Variants in WDHD1 observed in about 807,000 individuals in gnomAD.
The protein encoded by WDHD1 is WD repeat and HMG-box DNA-binding protein 1.
Under a neutral mutation model 135.4 loss-of-function variants are expected in WDHD1, and 111 were observed. That is an observed-to-expected ratio of 0.82 (90% CI 0.70 to 0.96). The LOEUF (loss-of-function observed/expected upper bound fraction) is 0.96. Among genes scored for constraint, WDHD1 ranks in the 40% least tolerant of loss-of-function variants. The pLI, the probability that WDHD1 is intolerant of heterozygous loss-of-function variation, is 0.00. For missense variants in WDHD1, 1,351 were observed against 1,336.3 expected, an observed-to-expected ratio of 1.01 and a Z score of -0.17; for synonymous variants, 434 against 439.0, an observed-to-expected ratio of 0.99 and a Z score of 0.14.
chr14:54,944,171 A>G (rs1333050949), intron 25 of WDHD1, among the ~76,000 whole-genome samples, 161 bp downstream of exon 25: 1 of 151,880 alleles, frequency 6.6e-6, no homozygotes, highest in Non-Finnish European at 1.5e-5. Context: ...TATGTTGCCC[A>G]GGCTGGTCAC....
chr14:54,957,674 A>C (rs375130166), intron 21 of WDHD1, 39 bp from the exon 22 acceptor site: 56 of 1,546,940 alleles, frequency 3.6e-5, no homozygotes, highest in Middle Eastern at 3.4e-4. Context: ...TAATGGTAGA[A>C]AATAGATGAC....
In WDHD1 at chr14:54,939,650, A is replaced by T. The variant is rs1321028606; in HGVS notation, c.*1840T>A. ...ATTATATAGCAGAGAAATAAGGATA[A>T]TGTTTCTTGGTTTCAAAGTTCTGAT... On this transcript the variant is annotated 3_prime_UTR_variant, in exon 26 of 26. Coordinates refer to ENST00000360586, the MANE Select transcript of WDHD1 (RefSeq NM_007086.4). The T allele has an allele frequency of 6.6e-6, 1 of 152,054 alleles. No homozygotes were observed. Among genetic ancestry groups the T allele is most frequent in the Admixed American group, 6.6e-5 (1 of 15,264 alleles). 9.4% of individuals were successfully genotyped at this position (152,054 alleles called of 1,614,324 possible).
chr14:54,942,687 T>C (rs2040858500), intron 25 of WDHD1, among the ~76,000 whole-genome samples: 2 of 152,182 alleles, frequency 1.3e-5, no homozygotes, highest in South Asian at 2.1e-4. Flanking sequence ...CCAGACAAGG[T>C]CCATTCATTT....
At chr14:54,947,487 G>A (rs2040948148) in intron 24 of WDHD1, among the ~76,000 whole-genome samples, 1 of 152,128 alleles carries the variant, frequency 6.6e-6, no homozygotes, top group African/African-American at 2.4e-5. Flanking sequence ...TTAACATAAA[G>A]TCATTAAGAA....
chr14:54,960,426 C>T (rs2041232506), intron 21 of WDHD1, among the ~76,000 whole-genome samples: 2 of 152,224 alleles, frequency 1.3e-5, no homozygotes, highest in African/African-American at 4.8e-5. Context: ...CCTCAGCCTC[C>T]CAAAGTGCTG....
Position 54,940,806 on chromosome 14 carries a change from T to C in WDHD1, c.*684A>G, listed in dbSNP as rs2040826177. On this transcript the variant is annotated 3_prime_UTR_variant, in exon 26 of 26. Transcript: ENST00000360586. The stretch of plus-strand genomic sequence containing the variant: ...ATGCAGAGCAAAATGGGGGTGGTGG[T>C]AGAAATTATGGTAGTAAATATATAT... 6.6e-6 allele frequency: 1 copy of C among 152,004 alleles called. No homozygotes were observed. Among genetic ancestry groups the C allele is most frequent in the East Asian group, 1.9e-4 (1 of 5,196 alleles). 9.4% of individuals were successfully genotyped at this position (152,004 alleles called of 1,614,324 possible).
chr14:54,993,644 A>G (rs1170522190), intron 11 of WDHD1, among the ~76,000 whole-genome samples: 1 of 152,218 alleles, frequency 6.6e-6, no homozygotes, highest in African/African-American at 2.4e-5. Context: ...ACTTCAAACA[A>G]AAACAATGTA....
intron 16 of WDHD1, among the ~76,000 whole-genome samples, chr14:54,977,164 T>C (rs963198042): frequency 1.3e-5 from 2 of 152,126 alleles, no homozygotes; most frequent in Admixed American, 6.6e-5. Flanking sequence ...TTTTCTCATA[T>C]GTAAAAATTG....
intron 2 of WDHD1, among the ~76,000 whole-genome samples, chr14:55,018,208 T>C (rs1294456526): frequency 6.6e-6 from 1 of 152,168 alleles, no homozygotes; most frequent in Non-Finnish European, 1.5e-5. Flanking sequence ...TAGTTGCATT[T>C]AGTTGAAAAC....
intron 24 of WDHD1, 145 bp from the exon 25 acceptor site, chr14:54,944,615 ACT>A (rs1491196764): frequency 2.4e-5 from 13 of 534,614 alleles, no homozygotes; most frequent in South Asian, 4.9e-5. Context: ...AATTCATGTT[ACT>A]TTTTTTTTTT....
rs1304313301 is a variant in WDHD1 at position 54,987,196 on chromosome 14, ACAGGTCCAG to A, written c.1709_1717del (p.Ala570_Pro572del). ...TTCTCCATGTCCTGCCATTGACACC[ACAGGTCCAG>A]CAAGGCTGAATACCTCTTTTTGAAC... On this transcript the variant is annotated inframe_deletion, in exon 14 of 26. Transcript: ENST00000360586. The A allele has an allele frequency of 6.2e-7, 1 of 1,614,098 alleles. No homozygotes were observed. The highest frequency in any genetic ancestry group is 8.5e-7 in the Non-Finnish European group (1 of 1,180,032).
At chr14:54,994,925 G>A (rs1270107999) in intron 11 of WDHD1, among the ~76,000 whole-genome samples, 1 of 152,106 alleles carries the variant, frequency 6.6e-6, no homozygotes, top group Non-Finnish European at 1.5e-5. Context: ...CTCTATGTTA[G>A]TAATTTGTGT....
At chr14:54,978,966 GCTA>G (rs904791606) in intron 16 of WDHD1, among the ~76,000 whole-genome samples, 16 of 152,168 alleles carry the variant, frequency 1.1e-4, no homozygotes, top group Non-Finnish European at 2.2e-4. Context: ...TGATCTAAAA[GCTA>G]CTACTTTTTT....
Position 54,957,290 on chromosome 14 carries a change from T to A in WDHD1, c.2746-86A>T. The A allele has an allele frequency of 2.1e-6, 3 of 1,407,868 alleles. No homozygotes were observed. The East Asian group carries it at 7.0e-5, about 33-fold the overall frequency. 87.2% of individuals were successfully genotyped at this position (1,407,868 alleles called of 1,614,324 possible). A position where few individuals can be genotyped will look rare whatever the true frequency, so the allele number is the denominator to read the frequency against. On this transcript the variant is annotated intron_variant, in intron 22 of 25. Coordinates refer to ENST00000360586, the MANE Select transcript of WDHD1 (RefSeq NM_007086.4). ...ACTTATTTTTTCTTGAAATTTCTGT[T>A]AAGTTTGTATTGCCATCTCATCTTT...
intron 7 of WDHD1, among the ~76,000 whole-genome samples, chr14:55,002,752 A>G (rs1253415810): frequency 1.3e-5 from 2 of 151,930 alleles, no homozygotes; most frequent in South Asian, 2.1e-4. Context: ...CTACAGCCCA[A>G]CTAATTTTTT....
chr14:54,942,003 C>G (rs1187300422), intron 25 of WDHD1, among the ~76,000 whole-genome samples: 1 of 152,058 alleles, frequency 6.6e-6, no homozygotes, highest in Non-Finnish European at 1.5e-5. Context: ...GTAATCCCAG[C>G]ACTTTGGGAG....
rs1010549036 is a variant in WDHD1 at position 55,013,524 on chromosome 14, G to A, written c.150C>T (p.Phe50=). The change falls in exon 3 of 26, where the codon TTC becomes TTT. Residue 50 remains phenylalanine, a synonymous_variant. Coordinates refer to ENST00000360586, the MANE Select transcript of WDHD1 (RefSeq NM_007086.4). ...WEDLDDDDPK[F]INVGEKAYSC... is the part of the protein sequence containing the mutation. ...AATATGCCTTTTCTCCAACATTAAT[G>A]AACTTAGGATCATCATCATCCAAGT... The A allele has an allele frequency of 6.2e-7, 1 of 1,613,780 alleles. No individual in the cohort carries two copies. Among genetic ancestry groups the A allele is most frequent in the Non-Finnish European group, 8.5e-7 (1 of 1,179,912 alleles).
chr14:55,012,042 G>T (rs2042179718), intron 3 of WDHD1, among the ~76,000 whole-genome samples: 1 of 151,770 alleles, frequency 6.6e-6, no homozygotes, highest in African/African-American at 2.4e-5. Context: ...CACTATGTAT[G>T]ATAATACTTA....
chr14:54,941,979 G>A lies in WDHD1; in HGVS notation c.3190-289C>T, dbSNP rs534503102. 7.7e-4 allele frequency among the ~76,000 whole-genome samples: 117 copies of A among 152,142 alleles called. 1 individual carries two copies. The highest frequency in any genetic ancestry group is 2.6e-3 in the African/African-American group (110 of 41,522). On this transcript the variant is annotated intron_variant, in intron 25 of 25. Coordinates refer to ENST00000360586, the MANE Select transcript of WDHD1 (RefSeq NM_007086.4). Reference sequence around the variant, plus strand: ...AAAAATGAAACTTTTGGCCAGGCACGGTGGCTCATGTCTGTAATCCCAGCA... The same window carrying A: ...AAAAATGAAACTTTTGGCCAGGCACAGTGGCTCATGTCTGTAATCCCAGCA...
Sources: gnomAD v4.1 joint callset for allele counts (sites outside exome capture counted in the v4.1 genomes callset) on GRCh38, gnomAD v4.1.1 for gene constraint, MANE v1.5 for transcripts, NCBI Gene and HGNC (gene_info 2026-07-23, HGNC 2026-07-21) for gene names.